The following DMD variants were observed in gnomAD, a reference collection of about 807,000 sequenced individuals.
The protein encoded by DMD is dystrophin.
DMD carries 63 observed loss-of-function variants against 330.1 expected under a neutral mutation model. The ratio of observed to expected loss-of-function variants is 0.19; its 90% CI spans 0.16 to 0.24. DMD has a LOEUF of 0.24. DMD is among the 10% of genes least tolerant of loss of function. The pLI is 1.00. For missense variants in DMD, 3,344 were observed against 2,684.1 expected, an observed-to-expected ratio of 1.25 and a Z score of -5.43; for synonymous variants, 1,223 against 959.8, an observed-to-expected ratio of 1.27 and a Z score of -5.07.
intron 9 of DMD, among the ~76,000 whole-genome samples, chrX:32,647,399 A>T (rs887339484): frequency 1.7e-4 from 19 of 111,772 alleles, no homozygotes; most frequent in African/African-American, 6.2e-4. Context: ...ATAACTGAGT[A>T]AACAAGGTTG....
chrX:31,845,036 A>ATATATATGTATATGTGTG (rs2093389742), intron 48 of DMD, among the ~76,000 whole-genome samples: 5 of 99,472 alleles, frequency 5.0e-5, no homozygotes, highest in Non-Finnish European at 1.0e-4. Flanking sequence ...ATACATATAT[A>ATATATATGTATATGTGTG]TATATATATG....
chrX:32,549,557 C>T (rs1033132284), intron 16 of DMD, among the ~76,000 whole-genome samples: 1 of 112,175 alleles, frequency 8.9e-6, no homozygotes, highest in East Asian at 2.8e-4. Flanking sequence ...TGGTAAATAT[C>T]AGCAGTAACC....
chrX:31,389,200 C>T (rs2060589541), intron 60 of DMD, among the ~76,000 whole-genome samples: 1 of 111,565 alleles, frequency 9.0e-6, no homozygotes, highest in African/African-American at 3.3e-5. Context: ...GTGCAACAGG[C>T]ATATTCTTAT....
At chrX:31,450,359 C>T (rs1423781271) in intron 59 of DMD, among the ~76,000 whole-genome samples, 1 of 112,146 alleles carries the variant, frequency 8.9e-6, no homozygotes, top group Admixed American at 9.5e-5. Context: ...ATATCATCCT[C>T]ATGGGGCCAA....
At chrX:32,125,590 G>A (rs1200722024) in intron 44 of DMD, among the ~76,000 whole-genome samples, 1 of 111,993 alleles carries the variant, frequency 8.9e-6, no homozygotes, top group African/African-American at 3.2e-5. Flanking sequence ...AAGCTTTGCA[G>A]AAACATTAGT....
In DMD at chrX:32,365,047, T is replaced by A. The variant is rs1481796319; in HGVS notation, c.4998A>T (p.Arg1666=). The A allele has an allele frequency of 5.8e-6, 7 of 1,208,677 alleles. No individual in the cohort carries two copies. The highest frequency in any genetic ancestry group is 1.8e-5 in the African/African-American group (1 of 56,868). The change falls in exon 35 of 79, where the codon CGA becomes CGT. Residue 1666 remains arginine, a synonymous_variant. Transcript: ENST00000357033. ...LNSNWIAVTS[R]AEEWLNLLLE... ...ACAAAAGATTTAACCACTCTTCTGC[T>A]CGGGAGGTGACAGCTATCCAGTTAC...
In DMD at chrX:31,120,586, C is replaced by T. The variant is rs968425458; in HGVS notation, c.*1333G>A. 2.7e-5 allele frequency: 3 copies of T among 111,945 alleles called. No individual in the cohort carries two copies. Among genetic ancestry groups the T allele is most frequent in the African/African-American group, 9.7e-5 (3 of 30,840 alleles). 9.2% of individuals were successfully genotyped at this position (111,945 alleles called of 1,213,427 possible). The stretch of plus-strand genomic sequence containing the variant: ...GCAACAAAAACCAAACCACCCAGTT[C>T]CTTTTGACTGTGAGAAGAGGGCATA... On this transcript the variant is annotated 3_prime_UTR_variant, in exon 79 of 79. Transcript: ENST00000357033.
At chrX:32,187,724 C>A (rs777713386) in intron 44 of DMD, among the ~76,000 whole-genome samples, 4 of 110,962 alleles carry the variant, frequency 3.6e-5, no homozygotes, top group Non-Finnish European at 7.6e-5. Context: ...AGACAACGTA[C>A]AACTTTTTAA....
intron 51 of DMD, among the ~76,000 whole-genome samples, chrX:31,738,937 G>A (rs1054762491): frequency 8.9e-6 from 1 of 111,811 alleles, no homozygotes; most frequent in Non-Finnish European, 1.9e-5. Context: ...GGGAAGGGTC[G>A]TGGGGAGGTG....
intron 48 of DMD, 142 bp downstream of exon 48, chrX:31,875,046 T>C: frequency 1.8e-6 from 1 of 547,248 alleles, no homozygotes; most frequent in South Asian, 3.1e-5. Context: ...GTGCCTATTG[T>C]GGTTATCCTG....
At chrX:31,812,584 A>AAAAT (rs777377653) in intron 50 of DMD, among the ~76,000 whole-genome samples, 1 of 111,495 alleles carries the variant, frequency 9.0e-6, no homozygotes, top group African/African-American at 3.3e-5. Context: ...AAGTTAAGCA[A>AAAAT]AAATAAATAA....
intron 30 of DMD, among the ~76,000 whole-genome samples, chrX:32,398,263 AC>A (rs149357713): frequency 0.26 from 23,562 of 91,945 alleles, 2,745 homozygotes; most frequent in African/African-American, 0.43. Context: ...CTTTTTTTAA[AC>A]CCCCCCCCCC....
intron 42 of DMD, among the ~76,000 whole-genome samples, chrX:32,297,527 C>G (rs1335499596): frequency 2.7e-5 from 3 of 111,350 alleles, no homozygotes; most frequent in Non-Finnish European, 5.6e-5. Context: ...CCGCCTTGGC[C>G]TCCCAAAGTG....
At chrX:32,320,859 T>A in intron 41 of DMD, among the ~76,000 whole-genome samples, 1 of 111,995 alleles carries the variant, frequency 8.9e-6, no homozygotes, top group African/African-American at 3.2e-5. Context: ...CAGAAAATAC[T>A]TGTAGCCTAG....
Position 33,009,579 on chromosome X carries a change from CATATGTGTGT to C in DMD, c.93+10550_93+10559del, listed in dbSNP as rs1569548986. Among the ~76,000 whole-genome samples, 259 of 33,778 alleles carry C rather than the reference CATATGTGTGT, an allele frequency of 7.7e-3. 50 individuals are homozygous for C. The highest frequency in any genetic ancestry group is 0.024 in the African/African-American group (233 of 9,735). The allele number at this position is 33,778 out of a possible 115,157, so 29.3% of individuals were successfully genotyped here. A position where few individuals can be genotyped will look rare whatever the true frequency, so the allele number is the denominator to read the frequency against. ...GTGTATGTGTGTATGTGTATATACA[CATATGTGTGT>C]ATGTGTGTATGTGTATATACACATA... On this transcript the variant is annotated intron_variant, in intron 2 of 78. Coordinates refer to ENST00000357033, the MANE Select transcript of DMD (RefSeq NM_004006.3).
chrX:32,399,023 T>C (rs1332774181), intron 30 of DMD, among the ~76,000 whole-genome samples: 1 of 111,353 alleles, frequency 9.0e-6, no homozygotes, highest in East Asian at 2.8e-4. Context: ...GCTGGGAAAA[T>C]TGGATATCCA....
chrX:31,397,609 C>T (rs2061000381), intron 60 of DMD, among the ~76,000 whole-genome samples: 1 of 112,295 alleles, frequency 8.9e-6, no homozygotes. Context: ...ACAAATGTAG[C>T]TTAGGCAAAA....
intron 2 of DMD, among the ~76,000 whole-genome samples, chrX:32,970,298 A>C (rs1338030096): frequency 1.1e-5 from 1 of 94,648 alleles, no homozygotes; most frequent in African/African-American, 4.8e-5. Flanking sequence ...TTGTAAATTT[A>C]AAAATAACTA....
intron 60 of DMD, among the ~76,000 whole-genome samples, chrX:31,367,033 T>C (rs1182777403): frequency 9.0e-6 from 1 of 111,349 alleles, no homozygotes; most frequent in East Asian, 2.8e-4. Context: ...AATAGCAAAA[T>C]GAAACTTACT....
Sources: allele counts gnomAD v4.1 joint callset (sites outside exome capture counted in the v4.1 genomes callset), GRCh38; gene constraint gnomAD v4.1.1; transcripts MANE v1.5; gene names NCBI Gene and HGNC (gene_info 2026-07-23, HGNC 2026-07-21).